STX11: variants seen among roughly 807,000 people sequenced by gnomAD.
STX11 encodes syntaxin 11, also known as syntaxin-11.
In STX11, 21 loss-of-function variants were observed where a neutral mutation model predicts 19.9. The ratio of observed to expected loss-of-function variants is 1.06; its 90% CI spans 0.75 to 1.52. The LOEUF is 1.52. STX11 is among the 40% of genes most tolerant of loss of function. STX11 has a pLI of 0.00. For synonymous variants in STX11, 193 were observed against 174.4 expected, an observed-to-expected ratio of 1.11 and a Z score of -0.84; for missense variants, 438 against 405.9, an observed-to-expected ratio of 1.08 and a Z score of -0.68.
chr6:144,171,384 A>G (rs1440478971), intron 1 of STX11, among the ~76,000 whole-genome samples: 2 of 152,208 alleles, frequency 1.3e-5, no homozygotes, highest in Non-Finnish European at 2.9e-5. Flanking sequence ...TCTCTGGTCC[A>G]GTCTTTGATG....
rs202220813 is a variant in STX11, at chr6:144,186,642, A to G, written c.15A>G (p.Leu5=). The G allele has an allele frequency of 1.6e-5, 26 of 1,614,014 alleles. No individual in the cohort carries two copies. Among genetic ancestry groups the G allele is most frequent in the Non-Finnish European group, 2.1e-5 (25 of 1,180,048 alleles). Residue 5 remains leucine (L), a synonymous_variant, in exon 2 of 2, where the codon CTA becomes CTG. Transcript: ENST00000367568. Reference sequence around the variant, plus strand: ...TTGCAGGCAAAATGAAAGACCGGCTAGCAGAACTTCTGGACTTGTCCAAGC... The same window carrying G: ...TTGCAGGCAAAATGAAAGACCGGCTGGCAGAACTTCTGGACTTGTCCAAGC... The part of the protein sequence containing the change: MKDR[L]AELLDLSKQY...
At position 144,182,911 on chromosome 6, in the gene STX11, A is replaced by G. The variant is rs749298612; in HGVS notation, c.-5-3712A>G. ...TCATCCACTTGTTGCATGGTAGACT[A>G]TATTGGGTACTAACTTAAGCAGATG... On this transcript the variant is annotated intron_variant, in intron 1 of 1. Transcript: ENST00000367568. The surrounding 1 kb of genome is among the most constrained non-coding windows in gnomAD (Gnocchi z 4.8). 6.6e-6 allele frequency among the ~76,000 whole-genome samples: 1 copy of G among 152,204 alleles called. No individual in the cohort carries two copies. The highest frequency in any genetic ancestry group is 1.5e-5 in the Non-Finnish European group (1 of 68,030).
At position 144,151,735 on chromosome 6, in the gene STX11, T is replaced by A. The variant is rs998775285; in HGVS notation, c.-6+1032T>A. Reference sequence around the variant, plus strand: ...CATGGGAGAAAGGTATCATTTAATGTGGTGATTGTAAGTAACTCTCTAAAA... The same window carrying A: ...CATGGGAGAAAGGTATCATTTAATGAGGTGATTGTAAGTAACTCTCTAAAA... On this transcript the variant is annotated intron_variant, in intron 1 of 1. Coordinates refer to ENST00000367568, the MANE Select transcript of STX11 (RefSeq NM_003764.4). The surrounding 1 kb of genome is among the most constrained non-coding windows in gnomAD (Gnocchi z 4.6). Among the ~76,000 whole-genome samples, 18 of 152,254 alleles carry A rather than the reference T, an allele frequency of 1.2e-4. No homozygotes were observed. Among genetic ancestry groups the A allele is most frequent in the Admixed American group, 1.2e-3 (18 of 15,288 alleles).
chr6:144,173,491 T>G (rs891582977), intron 1 of STX11, among the ~76,000 whole-genome samples: 9 of 152,218 alleles, frequency 5.9e-5, no homozygotes, highest in African/African-American at 1.2e-4. Context: ...ACTGGAGAGA[T>G]AAAAAGTTTT....
intron 1 of STX11, among the ~76,000 whole-genome samples, chr6:144,168,448 A>G (rs1801538508): frequency 6.6e-6 from 1 of 152,182 alleles, no homozygotes; most frequent in South Asian, 2.1e-4. Flanking sequence ...ATTTTCATTG[A>G]CAACCATTTC....
rs1450956567 is a variant in STX11, at chr6:144,187,731, T to C, written c.*240T>C. 1.6e-6 allele frequency: 1 copy of C among 618,688 alleles called. No homozygotes were observed. Among genetic ancestry groups the C allele is most frequent in the African/African-American group, 1.9e-5 (1 of 54,000 alleles). The allele number at this position is 618,688 out of a possible 1,614,324, so 38.3% of individuals were successfully genotyped here. A position where few individuals can be genotyped will look rare whatever the true frequency, so the allele number is the denominator to read the frequency against. Reference sequence around the variant, plus strand: ...ATTCCCACAAAGTTGTGCAATGTCATTATATGACACCTTGCACTCTTACCG... The same window carrying C: ...ATTCCCACAAAGTTGTGCAATGTCACTATATGACACCTTGCACTCTTACCG... On this transcript the variant is annotated 3_prime_UTR_variant, in exon 2 of 2. Transcript: ENST00000367568. This position sits in a 1 kb window ranked among gnomAD's most constrained non-coding sequence, Gnocchi z 5.6.
rs1440948315 is a variant in STX11 at position 144,191,100 on chromosome 6, A to G, written c.*3609A>G. 6.6e-6 allele frequency among the ~76,000 whole-genome samples: 1 copy of G among 151,870 alleles called. No individual in the cohort carries two copies. Among genetic ancestry groups the G allele is most frequent in the African/African-American group, 2.4e-5 (1 of 41,308 alleles). ...GAAAGAACAAATCACAAAGAACAAT[A>G]GATCCTTCAGGAGCTGAAGGTAAGA... On this transcript the variant is annotated 3_prime_UTR_variant, in exon 2 of 2. Coordinates refer to ENST00000367568, the MANE Select transcript of STX11 (RefSeq NM_003764.4).
In STX11 at chr6:144,191,417, C is replaced by G. The variant is rs900929894; in HGVS notation, c.*3926C>G. Among the ~76,000 whole-genome samples the G allele has an allele frequency of 1.3e-5, 2 of 150,920 alleles. No homozygotes were observed. The highest frequency in any genetic ancestry group is 4.9e-5 in the African/African-American group (2 of 40,900). ...TACTCTTTTTATATCAATGCCTTTA[C>G]ATTTATTTAAAAACAGTCCTAATGC... On this transcript the variant is annotated 3_prime_UTR_variant, in exon 2 of 2. Coordinates refer to ENST00000367568, the MANE Select transcript of STX11 (RefSeq NM_003764.4).
intron 1 of STX11, among the ~76,000 whole-genome samples, chr6:144,164,220 C>T (rs551911320): frequency 7.9e-5 from 12 of 152,062 alleles, no homozygotes; most frequent in Non-Finnish European, 1.8e-4. Context: ...CTTAAAATCT[C>T]GTTAAAAGCC....
Position 144,167,899 on chromosome 6 carries a change from G to A in STX11, c.-6+17196G>A, listed in dbSNP as rs564156359. On this transcript the variant is annotated intron_variant, in intron 1 of 1. Coordinates refer to ENST00000367568, the MANE Select transcript of STX11 (RefSeq NM_003764.4). This position sits in a 1 kb window ranked among gnomAD's most constrained non-coding sequence, Gnocchi z 5.0. ...GCCTCCCAAAGTGCTAGGATTACAG[G>A]TGTGAACCACCATGCCTCACTACAG... is the stretch of plus-strand genomic sequence containing the variant. 3.3e-4 allele frequency among the ~76,000 whole-genome samples: 51 copies of A among 152,290 alleles called. No individual in the cohort carries two copies. The South Asian group carries it at 0.01, about 30-fold the overall frequency.
Position 144,154,591 on chromosome 6 carries a change from G to A in STX11, c.-6+3888G>A, listed in dbSNP as rs1801086957. On this transcript the variant is annotated intron_variant, in intron 1 of 1. Transcript: ENST00000367568. The surrounding 1 kb of genome is among the most constrained non-coding windows in gnomAD (Gnocchi z 4.7). ...TGCTAAGATTTTCCATAGGGAAGCA[G>A]AAAGGCTAGCAAGGGAGGCATTAAT... Among the ~76,000 whole-genome samples the A allele has an allele frequency of 6.6e-6, 1 of 152,196 alleles. No individual in the cohort carries two copies. The highest frequency in any genetic ancestry group is 2.1e-4 in the South Asian group (1 of 4,832).
chr6:144,164,971 A>G (rs988540408), intron 1 of STX11, among the ~76,000 whole-genome samples: 2 of 151,530 alleles, frequency 1.3e-5, no homozygotes, highest in Non-Finnish European at 2.9e-5. Flanking sequence ...TGCTGGGATT[A>G]CAGGTGTGAA....
chr6:144,172,441 T>A lies in STX11; in HGVS notation c.-5-14182T>A, dbSNP rs1489521457. 6.6e-6 allele frequency among the ~76,000 whole-genome samples: 1 copy of A among 152,158 alleles called. No homozygotes were observed. Reference sequence around the variant, plus strand: ...GATAAGCCCCAAGGTGCTAGTGCTGTTGAAGCCTCTGCTTGCTCCATGTTT... The same window carrying A: ...GATAAGCCCCAAGGTGCTAGTGCTGATGAAGCCTCTGCTTGCTCCATGTTT... On this transcript the variant is annotated intron_variant, in intron 1 of 1. Coordinates refer to ENST00000367568, the MANE Select transcript of STX11 (RefSeq NM_003764.4). The surrounding 1 kb of genome is among the most constrained non-coding windows in gnomAD (Gnocchi z 4.2).
chr6:144,156,744 G>A (rs1030345362), intron 1 of STX11, among the ~76,000 whole-genome samples: 1 of 152,076 alleles, frequency 6.6e-6, no homozygotes, highest in Admixed American at 6.5e-5. Flanking sequence ...GCTAAATTCT[G>A]TAATAATACA....
rs1266877704 is a variant in STX11 at position 144,187,544 on chromosome 6, A to T, written c.*53A>T. On this transcript the variant is annotated 3_prime_UTR_variant, in exon 2 of 2. Coordinates refer to ENST00000367568, the MANE Select transcript of STX11 (RefSeq NM_003764.4). This position sits in a 1 kb window ranked among gnomAD's most constrained non-coding sequence, Gnocchi z 5.6. ...TCCCAGACCATGGAGCGCGCTGGGA[A>T]GGACGCACCAAAGCCGGGAGCTCTG... 5 of 1,609,206 alleles carry T rather than the reference A, an allele frequency of 3.1e-6. No individual in the cohort carries two copies. Among genetic ancestry groups the T allele is most frequent in the Non-Finnish European group, 4.2e-6 (5 of 1,178,788 alleles).
rs1188921575 is a variant in STX11 at position 144,179,817 on chromosome 6, A to G, written c.-5-6806A>G. Among the ~76,000 whole-genome samples, 7 of 152,372 alleles carry G rather than the reference A, an allele frequency of 4.6e-5. 1 individual carries two copies. In the East Asian group the frequency reaches 1.3e-3, roughly 29 times the overall value. On this transcript the variant is annotated intron_variant, in intron 1 of 1. Coordinates refer to ENST00000367568, the MANE Select transcript of STX11 (RefSeq NM_003764.4). Reference sequence around the variant, plus strand: ...CCAATAGTGGACCTTCTGATTTGTAATAATCACTTTAATCATATGTTTACA... The same window carrying G: ...CCAATAGTGGACCTTCTGATTTGTAGTAATCACTTTAATCATATGTTTACA...
At chr6:144,163,026 A>C (rs950893917) in intron 1 of STX11, among the ~76,000 whole-genome samples, 2 of 152,214 alleles carry the variant, frequency 1.3e-5, no homozygotes, top group Non-Finnish European at 2.9e-5. Context: ...TTAAACACTA[A>C]GCTATTCTTT....
intron 1 of STX11, among the ~76,000 whole-genome samples, chr6:144,164,677 A>G (rs139894159): frequency 1.6e-4 from 24 of 152,228 alleles, no homozygotes; most frequent in African/African-American, 5.1e-4. Context: ...TGTTGATTCT[A>G]TATAGCTTTA....
Position 144,167,684 on chromosome 6 carries a change from T to C in STX11, c.-6+16981T>C, listed in dbSNP as rs563148913. On this transcript the variant is annotated intron_variant, in intron 1 of 1. Coordinates refer to ENST00000367568, the MANE Select transcript of STX11 (RefSeq NM_003764.4). The surrounding 1 kb of genome is among the most constrained non-coding windows in gnomAD (Gnocchi z 5.0). ...CTCAGGTTAAAGTGCAGTGGCACGATCACAGCTCACTGAAGCCTTAACCTC... is the reference window on the plus strand; with the variant it reads ...CTCAGGTTAAAGTGCAGTGGCACGACCACAGCTCACTGAAGCCTTAACCTC... 4.5e-4 allele frequency among the ~76,000 whole-genome samples: 68 copies of C among 152,326 alleles called. No homozygotes were observed. The highest frequency in any genetic ancestry group is 3.4e-3 in the Middle Eastern group (1 of 294).
Sources: allele counts gnomAD v4.1 joint callset (sites outside exome capture counted in the v4.1 genomes callset), GRCh38; gene constraint gnomAD v4.1.1; non-coding constraint Gnocchi (gnomAD v3.1); transcripts MANE v1.5; gene names NCBI Gene and HGNC (gene_info 2026-07-23, HGNC 2026-07-21).